SRGAP2: variants seen among roughly 807,000 people sequenced by gnomAD.
The protein encoded by SRGAP2 is SLIT-ROBO Rho GTPase activating protein 2, also known as SLIT-ROBO Rho GTPase-activating protein 2.
In SRGAP2, 15 loss-of-function variants were observed where a neutral mutation model predicts 57.2. That is an observed-to-expected ratio of 0.26 (90% CI 0.18 to 0.40). The LOEUF is 0.40. SRGAP2 is among the 10% of genes least tolerant of loss of function. SRGAP2 has a pLI of 1.00. For synonymous variants in SRGAP2, 249 were observed against 248.0 expected (o/e 1.00, Z -0.04); for missense variants, 520 against 669.6 (o/e 0.78, Z 2.47).
intron 17 of SRGAP2, among the ~76,000 whole-genome samples, chr1:206,441,500 C>T (rs185571810): frequency 6.6e-6 from 1 of 152,304 alleles, no homozygotes; most frequent in Non-Finnish European, 1.5e-5. Flanking sequence ...TTCTTCCCCT[C>T]TGAGGCACCT....
chr1:206,431,455 T>G (rs948805307), intron 14 of SRGAP2, among the ~76,000 whole-genome samples: 1 of 152,190 alleles, frequency 6.6e-6, no homozygotes, highest in Admixed American at 6.5e-5. Flanking sequence ...TTTCACAAGA[T>G]AGTAATGATT....
At chr1:206,244,841 G>A (rs1208957018) in intron 2 of SRGAP2, among the ~76,000 whole-genome samples, 3 of 151,574 alleles carry the variant, frequency 2.0e-5, no homozygotes, top group African/African-American at 4.9e-5. Flanking sequence ...TTGGTGCATG[G>A]AAGCTTAGAG....
At chr1:206,402,251 G>A (rs1242091069) in intron 8 of SRGAP2, among the ~76,000 whole-genome samples, 1 of 151,968 alleles carries the variant, frequency 6.6e-6, no homozygotes, top group African/African-American at 2.4e-5. Context: ...AAGGAAAGGA[G>A]CTAAGATGCT....
intron 10 of SRGAP2, among the ~76,000 whole-genome samples, chr1:206,412,059 A>G (rs1553359832): frequency 6.6e-6 from 1 of 152,232 alleles, no homozygotes; most frequent in African/African-American, 2.4e-5. Context: ...AGGGGGTTAA[A>G]TGATTTGCCC....
intron 13 of SRGAP2, among the ~76,000 whole-genome samples, chr1:206,423,949 A>ATTTT (rs782243765): frequency 1.7e-3 from 147 of 87,674 alleles, no homozygotes; most frequent in Admixed American, 1.8e-3. Flanking sequence ...TAATTTATGT[A>ATTTT]TTTTTTTTTT....
Position 206,230,559 on chromosome 1 carries a change from A to G in SRGAP2, c.67+24522A>G, listed in dbSNP as rs538656401. ...TGATTATGTATGCCTACTATGTACC[A>G]GGCTCTGGTCTGGTGCTAGAGATAG... On this transcript the variant is annotated intron_variant, in intron 2 of 22. Transcript: ENST00000573034. Among the ~76,000 whole-genome samples the G allele has an allele frequency of 7.9e-4, 120 of 151,700 alleles. 1 individual carries two copies. Among genetic ancestry groups the G allele is most frequent in the African/African-American group, 2.8e-3 (116 of 41,274 alleles).
Position 206,438,106 on chromosome 1 carries a change from C to A in SRGAP2, c.1768+8C>A, listed in dbSNP as rs1661936979. ...ACCTGATGGCCTGCGTCAGTAAGTA[C>A]CATTCTGGCTTCAGATTGGCTTCTG... On this transcript the variant is annotated splice_region_variant and intron_variant, in intron 16 of 22. Transcript: ENST00000573034. The A allele has an allele frequency of 1.3e-6, 1 of 780,466 alleles. No individual in the cohort carries two copies. The highest frequency in any genetic ancestry group is 1.7e-5 in the African/African-American group (1 of 59,126). The allele number at this position is 780,466 out of a possible 1,614,324, so 48.3% of individuals were successfully genotyped here.
intron 18 of SRGAP2, among the ~76,000 whole-genome samples, chr1:206,446,799 T>C (rs1553374018): frequency 1.3e-5 from 2 of 152,164 alleles, no homozygotes; most frequent in African/African-American, 4.8e-5. Context: ...GAAAGAAGGG[T>C]AAGCCTTGTT....
intron 13 of SRGAP2, among the ~76,000 whole-genome samples, chr1:206,425,158 A>T (rs1221902503): frequency 6.6e-6 from 1 of 152,192 alleles, no homozygotes; most frequent in Admixed American, 6.5e-5. Context: ...CTAGGTCATA[A>T]TATATAAACC....
chr1:206,369,944 T>C (rs1471119244), intron 4 of SRGAP2, among the ~76,000 whole-genome samples: 1 of 150,424 alleles, frequency 6.6e-6, no homozygotes, highest in Non-Finnish European at 1.5e-5. Flanking sequence ...CACAAGAACT[T>C]ATACACAAAT....
intron 4 of SRGAP2, among the ~76,000 whole-genome samples, chr1:206,364,388 G>A (rs1211498638): frequency 1.4e-5 from 2 of 141,498 alleles, no homozygotes; most frequent in African/African-American, 2.7e-5. Context: ...TGTAATCCCC[G>A]CCTCCCAGGT....
intron 18 of SRGAP2, among the ~76,000 whole-genome samples, chr1:206,447,823 T>TCCCA (rs1662896008): frequency 6.6e-6 from 1 of 152,146 alleles, no homozygotes; most frequent in Non-Finnish European, 1.5e-5. Context: ...GGCCCCTGAG[T>TCCCA]CCCAGCCCAG....
At chr1:206,441,422 A>G (rs2483064) in intron 17 of SRGAP2, among the ~76,000 whole-genome samples, 38,450 of 152,000 alleles carry the variant, frequency 0.25, 5,115 homozygotes, top group South Asian at 0.3. Flanking sequence ...TCCAAGCAGC[A>G]TGTCCTTGTG....
At chr1:206,450,846 G>A (rs1358207645) in intron 19 of SRGAP2, among the ~76,000 whole-genome samples, 1 of 152,022 alleles carries the variant, frequency 6.6e-6, no homozygotes, top group Admixed American at 6.6e-5. Flanking sequence ...GGGTGTGGTG[G>A]CTCACACCTG....
At chr1:206,414,139 C>A (rs1284159799) in intron 10 of SRGAP2, among the ~76,000 whole-genome samples, 1 of 150,140 alleles carries the variant, frequency 6.7e-6, no homozygotes, top group African/African-American at 2.5e-5. Flanking sequence ...TCAAGCAATT[C>A]TCCCGCCTCA....
At chr1:206,300,967 C>T (rs1480307998) in intron 2 of SRGAP2, among the ~76,000 whole-genome samples, 2 of 152,126 alleles carry the variant, frequency 1.3e-5, no homozygotes, top group East Asian at 3.8e-4. Flanking sequence ...ATCCATATCC[C>T]CTGTACATCT....
At chr1:206,303,056 C>G (rs1401544483) in intron 2 of SRGAP2, among the ~76,000 whole-genome samples, 1 of 114,962 alleles carries the variant, frequency 8.7e-6, no homozygotes, top group Non-Finnish European at 1.7e-5. Flanking sequence ...ATAAGTGATT[C>G]AGCAGATTCC....
intron 7 of SRGAP2, among the ~76,000 whole-genome samples, chr1:206,395,443 T>C (rs1657488009): frequency 7.7e-6 from 1 of 130,106 alleles, no homozygotes; most frequent in Non-Finnish European, 1.5e-5. Flanking sequence ...ATCTGAACAC[T>C]GTCCTTCAAT....
chr1:206,327,029 G>A (rs1673952081), intron 3 of SRGAP2, among the ~76,000 whole-genome samples: 1 of 151,678 alleles, frequency 6.6e-6, no homozygotes, highest in African/African-American at 2.4e-5. Flanking sequence ...CCCCATCTCT[G>A]CAAAAAAAAA....
Sources: gnomAD v4.1 joint callset for allele counts (sites outside exome capture counted in the v4.1 genomes callset) on GRCh38, gnomAD v4.1.1 for gene constraint, MANE v1.5 for transcripts, NCBI Gene and HGNC (gene_info 2026-07-23, HGNC 2026-07-21) for gene names.